The following NALF1 variants were observed in gnomAD, a reference collection of about 807,000 sequenced individuals.
NALF1 encodes NALCN channel auxiliary factor 1.
NALF1 carries 3 observed loss-of-function variants against 48.4 expected under a neutral mutation model. The ratio of observed to expected loss-of-function variants is 0.06; its 90% CI spans 0.03 to 0.16. The LOEUF (loss-of-function observed/expected upper bound fraction) is 0.16, where lower values mean the gene tolerates loss of function less well. NALF1 is among the 10% of genes least tolerant of loss of function. NALF1 has a pLI of 1.00. For synonymous variants in NALF1, 262 were observed against 245.7 expected (o/e 1.07, Z -0.62); for missense variants, 526 against 571.5 (o/e 0.92, Z 0.81).
chr13:107,328,146 G>A (rs546794764), intron 1 of NALF1, among the ~76,000 whole-genome samples: 12 of 152,098 alleles, frequency 7.9e-5, no homozygotes, highest in African/African-American at 2.9e-4. Context: ...CTGAGCTCCT[G>A]AGCTCAAGGG....
chr13:107,507,905 G>A (rs751727932), intron 1 of NALF1, among the ~76,000 whole-genome samples: 11 of 152,092 alleles, frequency 7.2e-5, no homozygotes, highest in South Asian at 2.1e-4. Flanking sequence ...GCAATGCAGC[G>A]TGGCTCCACC....
chr13:107,551,129 G>A (rs1435394298), intron 1 of NALF1, among the ~76,000 whole-genome samples: 2 of 151,958 alleles, frequency 1.3e-5, no homozygotes, highest in African/African-American at 2.4e-5. Context: ...GTCGTACTGC[G>A]TCTGAAGTAC....
At chr13:107,472,716 G>A (rs371399904) in intron 1 of NALF1, among the ~76,000 whole-genome samples, 4 of 151,962 alleles carry the variant, frequency 2.6e-5, no homozygotes, top group East Asian at 1.9e-4. Flanking sequence ...AGGGGCTCTC[G>A]GGCCATTGAC....
chr13:107,634,011 T>C (rs1209536584), intron 1 of NALF1, among the ~76,000 whole-genome samples: 2 of 130,332 alleles, frequency 1.5e-5, no homozygotes, highest in African/African-American at 2.5e-5. Flanking sequence ...TTAGATACTA[T>C]TATGTGCAGA....
At chr13:107,773,660 A>T (rs571856892) in intron 1 of NALF1, among the ~76,000 whole-genome samples, 1 of 141,612 alleles carries the variant, frequency 7.1e-6, no homozygotes, top group South Asian at 2.2e-4. Flanking sequence ...GTTCTCACTC[A>T]TAGGTGGGAA....
At chr13:107,364,659 C>G (rs1883120166) in intron 1 of NALF1, among the ~76,000 whole-genome samples, 1 of 152,106 alleles carries the variant, frequency 6.6e-6, no homozygotes, top group East Asian at 1.9e-4. Flanking sequence ...AGTGATTGAA[C>G]AGTAAAATGT....
In NALF1 at chr13:107,787,533, C is replaced by T. The variant is rs183573967; in HGVS notation, c.915+78149G>A. On this transcript the variant is annotated intron_variant, in intron 1 of 2. Coordinates refer to ENST00000375915, the MANE Select transcript of NALF1 (RefSeq NM_001080396.3). ...ACCAAACCTGTTGTTACGTGGGTCA[C>T]GGTAAAGCAATTAATTAGCTAATAC... Among the ~76,000 whole-genome samples, 8 of 152,276 alleles carry T rather than the reference C, an allele frequency of 5.3e-5. No homozygotes were observed. In the East Asian group the frequency reaches 1.4e-3, roughly 26 times the overall value.
chr13:107,837,957 A>G (rs1879945398), intron 1 of NALF1, among the ~76,000 whole-genome samples: 1 of 152,132 alleles, frequency 6.6e-6, no homozygotes, highest in African/African-American at 2.4e-5. Context: ...TCATAGAACC[A>G]TAAGGCTTCA....
chr13:107,767,472 G>A (rs1877447635), intron 1 of NALF1, among the ~76,000 whole-genome samples: 1 of 152,188 alleles, frequency 6.6e-6, no homozygotes, highest in African/African-American at 2.4e-5. Flanking sequence ...GTCTTACAAG[G>A]ATTTCAGCTG....
chr13:107,275,203 T>A (rs1481398582), intron 1 of NALF1, among the ~76,000 whole-genome samples: 1 of 152,212 alleles, frequency 6.6e-6, no homozygotes, highest in African/African-American at 2.4e-5. Context: ...TCTCCTTTTT[T>A]AAAGTAAATT....
chr13:107,489,044 A>G (rs1329381889), intron 1 of NALF1, among the ~76,000 whole-genome samples: 1 of 152,168 alleles, frequency 6.6e-6, no homozygotes, highest in African/African-American at 2.4e-5. Context: ...ATAATAAAAT[A>G]CGTAGGAATA....
intron 1 of NALF1, among the ~76,000 whole-genome samples, chr13:107,714,831 A>G (rs7991588): frequency 0.027 from 4,111 of 152,188 alleles, 170 homozygotes; most frequent in African/African-American, 0.092. Context: ...TACGTTTTCC[A>G]CACCTGAGTT....
At chr13:107,582,973 T>TC (rs550377068) in intron 1 of NALF1, among the ~76,000 whole-genome samples, 1 of 152,102 alleles carries the variant, frequency 6.6e-6, no homozygotes, top group Non-Finnish European at 1.5e-5. Context: ...TATCACCTTT[T>TC]CCCCCCTCTC....
intron 1 of NALF1, among the ~76,000 whole-genome samples, chr13:107,694,449 C>A (rs1208531337): frequency 1.3e-5 from 2 of 152,100 alleles, no homozygotes; most frequent in Non-Finnish European, 1.5e-5. Flanking sequence ...ATTGTCAAGA[C>A]AATGACTGGT....
intron 1 of NALF1, among the ~76,000 whole-genome samples, chr13:107,227,059 G>A (rs936956037): frequency 1.3e-5 from 2 of 152,170 alleles, no homozygotes; most frequent in African/African-American, 4.8e-5. Flanking sequence ...CAAAACAGAA[G>A]AAAAGTATAG....
intron 1 of NALF1, among the ~76,000 whole-genome samples, chr13:107,720,773 T>C (rs1875959909): frequency 6.6e-6 from 1 of 152,178 alleles, no homozygotes; most frequent in Non-Finnish European, 1.5e-5. Context: ...GACCGATCAC[T>C]TTAGAGCACA....
chr13:107,485,404 T>C (rs926558473), intron 1 of NALF1, among the ~76,000 whole-genome samples: 1 of 152,318 alleles, frequency 6.6e-6, no homozygotes, highest in African/African-American at 2.4e-5. Flanking sequence ...TGCAATGACA[T>C]CAGTCCTCAT....
In NALF1 at chr13:107,260,094, C is replaced by T. The variant is rs76945998; in HGVS notation, c.916-49339G>A. Among the ~76,000 whole-genome samples the T allele has an allele frequency of 6.0e-3, 920 of 152,324 alleles. 7 individuals are homozygous for T. Among genetic ancestry groups the T allele is most frequent in the African/African-American group, 0.021 (880 of 41,572 alleles). On this transcript the variant is annotated intron_variant, in intron 1 of 2. Transcript: ENST00000375915. ...ATAGAACTGAATCTGGGTCTTTGTA[C>T]TGCATCATATACATAAGCTAAGATA...
At chr13:107,359,869 T>C (rs1480172091) in intron 1 of NALF1, among the ~76,000 whole-genome samples, 1 of 152,160 alleles carries the variant, frequency 6.6e-6, no homozygotes, top group East Asian at 1.9e-4. Flanking sequence ...TTTGTTCATT[T>C]GCACCTTAAT....
Sources: gnomAD v4.1 joint callset for allele counts (sites outside exome capture counted in the v4.1 genomes callset) on GRCh38, gnomAD v4.1.1 for gene constraint, MANE v1.5 for transcripts, NCBI Gene and HGNC (gene_info 2026-07-23, HGNC 2026-07-21) for gene names.